The following CUX2 variants were observed in gnomAD, a reference collection of about 807,000 sequenced individuals.
CUX2 encodes the protein cut like homeobox 2, also known as homeobox protein cut-like 2.
In CUX2, 40 loss-of-function variants were observed where a neutral mutation model predicts 144.8. That is an observed-to-expected ratio of 0.28 (90% CI 0.21 to 0.36). The LOEUF is 0.36. Among genes scored for constraint, CUX2 ranks in the 10% least tolerant of loss-of-function variants. The pLI is 1.00. For synonymous variants in CUX2, 827 were observed against 875.6 expected (o/e 0.94, Z 0.98); for missense variants, 1,615 against 1,994.0 (o/e 0.81, Z 3.62).
intron 4 of CUX2, among the ~76,000 whole-genome samples, chr12:111,281,909 G>A (rs1166542396): frequency 6.6e-6 from 1 of 152,170 alleles, no homozygotes; most frequent in African/African-American, 2.4e-5. Flanking sequence ...AAGAAGGGAA[G>A]GAGGAGGGAG....
chr12:111,312,101 C>T lies in CUX2; in HGVS notation c.1902C>T (p.Gly634=), dbSNP rs766276419. The change falls in exon 16 of 22, where the codon GGC becomes GGT. Residue 634 remains glycine, a splice_region_variant and synonymous_variant. Transcript: ENST00000261726. The surrounding 1 kb of genome is among the most constrained non-coding windows in gnomAD (Gnocchi z 4.3). The part of the protein sequence containing the change: ...ALRTIQVRQR[G]SITPRIRTPE... The stretch of plus-strand genomic sequence containing the variant: ...ACAGATGCCTTCTTGCCTCCCCAGG[C>T]AGCATCACCCCGAGAATCCGCACGC... 1 of 1,607,830 alleles carries T rather than the reference C, an allele frequency of 6.2e-7. No individual in the cohort carries two copies. The highest frequency in any genetic ancestry group is 8.5e-7 in the Non-Finnish European group (1 of 1,175,342).
chr12:111,183,250 C>T (rs903269748), intron 1 of CUX2, among the ~76,000 whole-genome samples: 17 of 152,254 alleles, frequency 1.1e-4, no homozygotes, highest in African/African-American at 3.9e-4. Flanking sequence ...CTCAGCTGGG[C>T]TCTGGGATAG....
Position 111,057,812 on chromosome 12 carries a change from C to T in CUX2, c.63+23572C>T, listed in dbSNP as rs1286683108. On this transcript the variant is annotated intron_variant, in intron 1 of 21. Coordinates refer to ENST00000261726, the MANE Select transcript of CUX2 (RefSeq NM_015267.4). This position sits in a 1 kb window ranked among gnomAD's most constrained non-coding sequence, Gnocchi z 5.1. ...GGATAGTTGCTTTCCCTTAAACTAC[C>T]CAAGTGAATGCTTCAGTTCCTGGTG... 1.3e-5 allele frequency among the ~76,000 whole-genome samples: 2 copies of T among 152,198 alleles called. No homozygotes were observed. Among genetic ancestry groups the T allele is most frequent in the African/African-American group, 4.8e-5 (2 of 41,436 alleles).
intron 4 of CUX2, among the ~76,000 whole-genome samples, chr12:111,285,395 A>G (rs1308532813): frequency 6.6e-6 from 1 of 152,084 alleles, no homozygotes; most frequent in Non-Finnish European, 1.5e-5. Context: ...GGGCATCTTA[A>G]TTGACAGCTC....
intron 1 of CUX2, among the ~76,000 whole-genome samples, chr12:111,049,877 C>G (rs1870179432): frequency 6.6e-6 from 1 of 152,156 alleles, no homozygotes; most frequent in South Asian, 2.1e-4. Flanking sequence ...TCAGGTCTGC[C>G]ACTAGGACAG....
chr12:111,265,305 T>C (rs1884326571), intron 4 of CUX2, among the ~76,000 whole-genome samples: 1 of 145,164 alleles, frequency 6.9e-6, no homozygotes, highest in Non-Finnish European at 1.5e-5. Flanking sequence ...TTTATTTTAT[T>C]TTATTTTTAT....
intron 1 of CUX2, among the ~76,000 whole-genome samples, chr12:111,197,615 G>A (rs1473634045): frequency 1.3e-5 from 2 of 152,220 alleles, no homozygotes; most frequent in African/African-American, 4.8e-5. Flanking sequence ...ATAGCACTGG[G>A]TTCAATGCCA....
intron 1 of CUX2, among the ~76,000 whole-genome samples, chr12:111,212,443 C>T (rs1034442239): frequency 6.6e-6 from 1 of 152,220 alleles, no homozygotes; most frequent in Non-Finnish European, 1.5e-5. Flanking sequence ...GGCTGGAATG[C>T]AGTGGCACCA....
chr12:111,235,875 G>A (rs759252586), intron 3 of CUX2, among the ~76,000 whole-genome samples: 3 of 152,126 alleles, frequency 2.0e-5, no homozygotes, highest in Non-Finnish European at 4.4e-5. Flanking sequence ...TCAGGTTTTG[G>A]GGGCCAGTGG....
In CUX2 at chr12:111,160,177, C is replaced by T. The variant is rs1877662400; in HGVS notation, c.64-54023C>T. Reference sequence around the variant, plus strand: ...GTCTCCTGGGACAGGCAGCATAGGACGGGGCTAGGGGGACATTTGCTAAGC... The same window carrying T: ...GTCTCCTGGGACAGGCAGCATAGGATGGGGCTAGGGGGACATTTGCTAAGC... On this transcript the variant is annotated intron_variant, in intron 1 of 21. Transcript: ENST00000261726. The surrounding 1 kb of genome is among the most constrained non-coding windows in gnomAD (Gnocchi z 4.1). 6.6e-6 allele frequency among the ~76,000 whole-genome samples: 1 copy of T among 152,212 alleles called. No homozygotes were observed. Among genetic ancestry groups the T allele is most frequent in the African/African-American group, 2.4e-5 (1 of 41,536 alleles).
At position 111,334,186 on chromosome 12, in the gene CUX2, T is replaced by TAA. The variant is rs11383956; in HGVS notation, c.2927-240_2927-239dup. On this transcript the variant is annotated intron_variant, in intron 18 of 21. Transcript: ENST00000261726. ...TAGGCAACAGAGCGAGACTCCGTCTTAAAAAAAAAAAAAAAATTGCTAAGC... is the reference window on the plus strand; with the variant it reads ...TAGGCAACAGAGCGAGACTCCGTCTTAAAAAAAAAAAAAAAAAATTGCTAAGC... Among the ~76,000 whole-genome samples the TAA allele has an allele frequency of 1.1e-3, 152 of 143,428 alleles. 1 individual carries two copies. The highest frequency in any genetic ancestry group is 4.1e-3 in the East Asian group (20 of 4,844). 94.1% of individuals were successfully genotyped at this position (143,428 alleles called of 152,430 possible). A position where few individuals can be genotyped will look rare whatever the true frequency, so the allele number is the denominator to read the frequency against.
intron 4 of CUX2, among the ~76,000 whole-genome samples, chr12:111,279,470 A>T (rs1885021368): frequency 6.6e-6 from 1 of 152,268 alleles, no homozygotes; most frequent in Admixed American, 6.5e-5. Flanking sequence ...GCAGGATATA[A>T]TCAAGGTAAG....
At chr12:111,084,082 T>C (rs1001716293) in intron 1 of CUX2, among the ~76,000 whole-genome samples, 2 of 152,116 alleles carry the variant, frequency 1.3e-5, no homozygotes, top group African/African-American at 4.8e-5. Context: ...GAACAGCATA[T>C]GCAGAGGCAT....
At chr12:111,097,780 G>C (rs1872916198) in intron 1 of CUX2, among the ~76,000 whole-genome samples, 1 of 152,184 alleles carries the variant, frequency 6.6e-6, no homozygotes, top group Admixed American at 6.5e-5. Context: ...CGGGGTGGCT[G>C]TTTTGTACCT....
intron 1 of CUX2, among the ~76,000 whole-genome samples, chr12:111,119,976 T>TAAAC (rs1468290001): frequency 6.6e-6 from 1 of 152,188 alleles, no homozygotes; most frequent in Non-Finnish European, 1.5e-5. Flanking sequence ...GAGAATAGTT[T>TAAAC]GCACCTGGGA....
rs1871169779 is a variant in CUX2, at chr12:111,069,537, T to TGTGTGTGTGTGTGTGTGCGCGCGC, written c.63+35312_63+35313insTGCGCGCGCGTGTGTGTGTGTGTG. Among the ~76,000 whole-genome samples the TGTGTGTGTGTGTGTGTGCGCGCGC allele has an allele frequency of 2.2e-5, 3 of 134,808 alleles. No individual in the cohort carries two copies. In the South Asian group the frequency reaches 6.3e-4, roughly 28 times the overall value. The allele number at this position is 134,808 out of a possible 152,430, so 88.4% of individuals were successfully genotyped here. A position where few individuals can be genotyped will look rare whatever the true frequency, so the allele number is the denominator to read the frequency against. On this transcript the variant is annotated intron_variant, in intron 1 of 21. Coordinates refer to ENST00000261726, the MANE Select transcript of CUX2 (RefSeq NM_015267.4). ...GCCTTGCTCTGTGTGTGTGTGTGTG[T>TGTGTGTGTGTGTGTGTGCGCGCGC]GTGTGTGTGTGTGTGCGCGCGCGTG... is the stretch of plus-strand genomic sequence containing the variant.
At chr12:111,080,424 C>G (rs1871818772) in intron 1 of CUX2, among the ~76,000 whole-genome samples, 1 of 151,856 alleles carries the variant, frequency 6.6e-6, no homozygotes, top group Admixed American at 6.6e-5. Flanking sequence ...GTAATCTCAG[C>G]ACTTTGGGAA....
chr12:111,294,830 G>A (rs570144245), intron 6 of CUX2, among the ~76,000 whole-genome samples: 2 of 152,030 alleles, frequency 1.3e-5, no homozygotes, highest in South Asian at 2.1e-4. Context: ...CCTGGGAGGC[G>A]GAGGTTGCAG....
chr12:111,257,776 C>T (rs1644148427), intron 3 of CUX2, among the ~76,000 whole-genome samples: 1 of 149,252 alleles, frequency 6.7e-6, no homozygotes, highest in African/African-American at 2.5e-5. Flanking sequence ...TCCCCTTCCT[C>T]CATCCTCCTC....
Sources: gnomAD v4.1 joint callset for allele counts (sites outside exome capture counted in the v4.1 genomes callset) on GRCh38, gnomAD v4.1.1 for gene constraint, Gnocchi (gnomAD v3.1) non-coding constraint, MANE v1.5 for transcripts, NCBI Gene and HGNC (gene_info 2026-07-23, HGNC 2026-07-21) for gene names.